Variants in TRPM8 observed in about 807,000 individuals in gnomAD.
TRPM8 encodes TRPM8 cationic channel.
In TRPM8, 110 loss-of-function variants were observed where a neutral mutation model predicts 133.7. The observed-to-expected ratio is 0.82, with a 90% CI of 0.70 to 0.96. The LOEUF (loss-of-function observed/expected upper bound fraction) is 0.96. TRPM8 is among the 40% of genes least tolerant of loss of function. The pLI, the probability that TRPM8 is intolerant of heterozygous loss-of-function variation, is 0.00. For missense variants in TRPM8, 1,291 were observed against 1,379.5 expected (o/e 0.94, Z 1.02); for synonymous variants, 535 against 532.3 (o/e 1.01, Z -0.07).
At chr2:233,965,743 C>T (rs890789151) in intron 14 of TRPM8, among the ~76,000 whole-genome samples, 9 of 151,810 alleles carry the variant, frequency 5.9e-5, no homozygotes, top group Non-Finnish European at 2.9e-5. Context: ...GGCAATGGCT[C>T]CTAATAGTTT....
At chr2:233,984,346 G>C (rs2125296502) in intron 20 of TRPM8, among the ~76,000 whole-genome samples, 1 of 152,248 alleles carries the variant, frequency 6.6e-6, no homozygotes, top group Middle Eastern at 3.4e-3. Flanking sequence ...CCCCTCCTCT[G>C]AGATTTCTCA....
chr2:233,969,862 G>A, intron 16 of TRPM8, 55 bp downstream of exon 16: 1 of 1,063,834 alleles, frequency 9.4e-7, no homozygotes, highest in East Asian at 2.4e-5. Context: ...GTGTGTACAT[G>A]CATCCACATA....
At chr2:234,000,487 T>C (rs1692529987) in intron 22 of TRPM8, among the ~76,000 whole-genome samples, 1 of 152,192 alleles carries the variant, frequency 6.6e-6, no homozygotes, top group African/African-American at 2.4e-5. Flanking sequence ...AAAGGCTTCC[T>C]TGATATTTAT....
At chr2:233,980,078 G>T in intron 17 of TRPM8, 110 bp from the exon 18 acceptor site, 1 of 761,916 alleles carries the variant, frequency 1.3e-6, no homozygotes, top group Non-Finnish European at 2.2e-6. Flanking sequence ...AAACAAACAC[G>T]TCATTGGCTC....
chr2:233,925,041 G>A (rs1042426176), intron 1 of TRPM8, among the ~76,000 whole-genome samples: 3 of 152,232 alleles, frequency 2.0e-5, no homozygotes, highest in Non-Finnish European at 4.4e-5. Context: ...TGGGAGGGGC[G>A]ATCTGGATGG....
intron 15 of TRPM8, among the ~76,000 whole-genome samples, chr2:233,968,495 A>G (rs773557154): frequency 7.2e-5 from 11 of 152,154 alleles, no homozygotes; most frequent in Non-Finnish European, 1.5e-4. Flanking sequence ...TTGTTTGTGG[A>G]AAGCTGACAC....
intron 19 of TRPM8, 85 bp from the exon 20 acceptor site, chr2:233,982,968 A>C: frequency 1.4e-6 from 2 of 1,459,900 alleles, no homozygotes; most frequent in Non-Finnish European, 1.9e-6. Flanking sequence ...GCTCTTCTCC[A>C]TGGTCCACTG....
In TRPM8 at chr2:233,926,641, C is replaced by T; in HGVS notation, c.104C>T (p.Ser35Phe). The change falls in exon 2 of 26, where the codon TCT becomes TTT. Residue 35 changes from serine (S) to phenylalanine (F), a missense_variant. By Grantham distance (155) the Ser-to-Phe change is radical. Around this residue, in one of 2 missense-constraint regions of TRPM8, gnomAD observed 963 missense variants for 968.9 expected, o/e 0.99. Transcript: ENST00000324695. ...AGCGCGTCTCGGAGCACAGACTTGT[C>T]TTACAGTGAAAGCGTAAGTCATGCG... The part of the protein sequence containing the change: ...YSSASRSTDL[S>F]YSESDLVNFI... 1.2e-6 allele frequency: 2 copies of T among 1,613,744 alleles called. No individual in the cohort carries two copies. Among genetic ancestry groups the T allele is most frequent in the Non-Finnish European group, 1.7e-6 (2 of 1,179,624 alleles).
At chr2:233,950,877 T>C (rs917688415) in intron 9 of TRPM8, among the ~76,000 whole-genome samples, 12 of 152,312 alleles carry the variant, frequency 7.9e-5, no homozygotes, top group African/African-American at 2.6e-4. Flanking sequence ...CTCTAAACAT[T>C]CATACCTAAC....
chr2:233,927,959 T>C, intron 2 of TRPM8, among the ~76,000 whole-genome samples: 1 of 58,628 alleles, frequency 1.7e-5, no homozygotes, highest in Non-Finnish European at 2.9e-5. Flanking sequence ...TCTCTCTCTC[T>C]CTTTCTTTCT....
chr2:234,014,931 C>T (rs1310822741), intron 25 of TRPM8, among the ~76,000 whole-genome samples: 1 of 152,180 alleles, frequency 6.6e-6, no homozygotes, highest in East Asian at 1.9e-4. Context: ...TTTTAAAACA[C>T]TTGCAACCTA....
At chr2:233,965,823 C>A (rs531564677) in intron 14 of TRPM8, among the ~76,000 whole-genome samples, 1 of 151,722 alleles carries the variant, frequency 6.6e-6, no homozygotes, top group African/African-American at 2.4e-5. Context: ...AATGTAAGCA[C>A]ACACTAATGC....
In TRPM8 at chr2:233,963,169, G is replaced by C. The variant is rs558861922; in HGVS notation, c.1654-113G>C. 100 of 569,010 alleles carry C rather than the reference G, an allele frequency of 1.8e-4. No individual in the cohort carries two copies. The East Asian group carries it at 2.9e-3, about 16-fold the overall frequency. 35.2% of individuals were successfully genotyped at this position (569,010 alleles called of 1,614,324 possible). Reference sequence around the variant, plus strand: ...AATCCCATCACTGTACTGTGAGAATGGAGTCATGCACAAAGCCACAGAGCC... The same window carrying C: ...AATCCCATCACTGTACTGTGAGAATCGAGTCATGCACAAAGCCACAGAGCC... On this transcript the variant is annotated intron_variant, in intron 12 of 25. Transcript: ENST00000324695.
chr2:233,924,398 C>A (rs4497869), intron 1 of TRPM8, among the ~76,000 whole-genome samples: 33,023 of 152,118 alleles, frequency 0.22, 5,504 homozygotes, highest in African/African-American at 0.47. Context: ...TCTCCAGGGA[C>A]CCAGCTGCTC....
At chr2:233,978,133 A>G (rs1263491755) in intron 17 of TRPM8, among the ~76,000 whole-genome samples, 1 of 151,244 alleles carries the variant, frequency 6.6e-6, no homozygotes, top group Non-Finnish European at 1.5e-5. Flanking sequence ...TTAATCTTAG[A>G]CATAGATCTT....
intron 22 of TRPM8, among the ~76,000 whole-genome samples, chr2:234,004,987 A>C (rs887834189): frequency 6.6e-6 from 1 of 152,232 alleles, no homozygotes; most frequent in Non-Finnish European, 1.5e-5. Flanking sequence ...ACCATAATTA[A>C]TCAGTTCCTT....
chr2:233,945,831 A>G (rs1691027198), intron 6 of TRPM8, 25 bp from the exon 7 acceptor site: 1 of 1,596,212 alleles, frequency 6.3e-7, no homozygotes, highest in African/African-American at 1.3e-5. Context: ...ACAATCTCAA[A>G]GACAAGTTTC....
At chr2:233,946,497 G>A (rs749823254) in intron 7 of TRPM8, among the ~76,000 whole-genome samples, 3 of 152,210 alleles carry the variant, frequency 2.0e-5, no homozygotes, top group Non-Finnish European at 4.4e-5. Context: ...GAATGCAACA[G>A]TTGAGTGAAA....
chr2:233,917,956 C>T (rs114906592), intron 1 of TRPM8, among the ~76,000 whole-genome samples: 2 of 152,102 alleles, frequency 1.3e-5, no homozygotes, highest in African/African-American at 2.4e-5. Flanking sequence ...TGTTTCCTTC[C>T]GTTCTTCCAG....
Sources: gnomAD v4.1 joint callset for allele counts (sites outside exome capture counted in the v4.1 genomes callset) on GRCh38, gnomAD v4.1.1 for gene constraint, gnomAD v4.1.1 regional missense constraint, MANE v1.5 for transcripts, NCBI Gene and HGNC (gene_info 2026-07-23, HGNC 2026-07-21) for gene names.